KCNT2: variants seen among roughly 807,000 people sequenced by gnomAD.
KCNT2 encodes the protein potassium channel subfamily T member 2.
Under a neutral mutation model 153.8 loss-of-function variants are expected in KCNT2, and 67 were observed. That is an observed-to-expected ratio of 0.44 (90% CI 0.36 to 0.53). The LOEUF (loss-of-function observed/expected upper bound fraction) is 0.53, where lower values mean the gene tolerates loss of function less well. KCNT2 is among the 20% of genes least tolerant of loss of function. KCNT2 has a pLI of 0.00. For missense variants in KCNT2, 975 were observed against 1,354.8 expected, an observed-to-expected ratio of 0.72 and a Z score of 4.40; for synonymous variants, 500 against 458.8, an observed-to-expected ratio of 1.09 and a Z score of -1.15.
At chr1:196,333,748 T>C (rs1664717973) in intron 17 of KCNT2, 99 bp downstream of exon 17, 1 of 709,508 alleles carries the variant, frequency 1.4e-6, no homozygotes, top group African/African-American at 1.8e-5. Context: ...GAAGGAAAGA[T>C]CATTAGCTCC....
chr1:196,379,565 T>TTA (rs374585639), intron 13 of KCNT2, among the ~76,000 whole-genome samples: 1 of 136,148 alleles, frequency 7.3e-6, no homozygotes, highest in Non-Finnish European at 1.6e-5. Flanking sequence ...CAGTGAGACT[T>TTA]TCTCTCTCTC....
At chr1:196,373,318 CA>C in intron 13 of KCNT2, 70 bp from the exon 14 acceptor site, 2 of 734,106 alleles carry the variant, frequency 2.7e-6, no homozygotes, top group Non-Finnish European at 4.8e-6. Context: ...AAAAATAAAA[CA>C]AAATGAATAA....
chr1:196,502,094 G>A (rs1267583065), intron 1 of KCNT2, among the ~76,000 whole-genome samples: 1 of 152,162 alleles, frequency 6.6e-6, no homozygotes, highest in Non-Finnish European at 1.5e-5. Flanking sequence ...TACAGCCCAG[G>A]TGACAGAGCA....
At chr1:196,276,655 T>C (rs1658598434) in intron 25 of KCNT2, among the ~76,000 whole-genome samples, 1 of 152,084 alleles carries the variant, frequency 6.6e-6, no homozygotes, top group Non-Finnish European at 1.5e-5. Flanking sequence ...GTAGTTTCCT[T>C]AGACAGCAGA....
chr1:196,555,792 A>G (rs1045783286), intron 1 of KCNT2, among the ~76,000 whole-genome samples: 2 of 151,514 alleles, frequency 1.3e-5, no homozygotes, highest in African/African-American at 4.8e-5. Context: ...AGGTACTGGC[A>G]TAAAAACAGA....
At chr1:196,411,677 G>A (rs1270344391) in intron 12 of KCNT2, among the ~76,000 whole-genome samples, 1 of 151,632 alleles carries the variant, frequency 6.6e-6, no homozygotes, top group African/African-American at 2.4e-5. Context: ...TTTTCAAATG[G>A]TTCATTGTTA....
At chr1:196,517,131 A>G (rs973240607) in intron 1 of KCNT2, among the ~76,000 whole-genome samples, 2 of 151,908 alleles carry the variant, frequency 1.3e-5, no homozygotes, top group Admixed American at 1.3e-4. Context: ...GCTGGTCCAG[A>G]CCCCCAGAAC....
At chr1:196,488,444 A>G (rs1183390536) in intron 3 of KCNT2, among the ~76,000 whole-genome samples, 1 of 151,832 alleles carries the variant, frequency 6.6e-6, no homozygotes, top group African/African-American at 2.4e-5. Context: ...TCTTAGTGAT[A>G]TTACATAGAA....
Position 196,339,537 on chromosome 1 carries a change from A to G in KCNT2, c.1783+804T>C, listed in dbSNP as rs544556554. On this transcript the variant is annotated intron_variant, in intron 16 of 27. Transcript: ENST00000294725. ...CACACACACAGAGAGAGAGAGAGAGAGAGAGAGAGAGAGAGACAGAGACAC... is the reference window on the plus strand; with the variant it reads ...CACACACACAGAGAGAGAGAGAGAGGGAGAGAGAGAGAGAGACAGAGACAC... Among the ~76,000 whole-genome samples the G allele has an allele frequency of 2.0e-5, 3 of 151,772 alleles. No homozygotes were observed. The East Asian group carries it at 5.8e-4, about 29-fold the overall frequency.
At chr1:196,230,998 A>G (rs1653901268) in intron 27 of KCNT2, among the ~76,000 whole-genome samples, 1 of 151,928 alleles carries the variant, frequency 6.6e-6, no homozygotes, top group South Asian at 2.1e-4. Flanking sequence ...GAAAGAGTCA[A>G]TCAATGCAGC....
intron 18 of KCNT2, 35 bp from the exon 19 acceptor site, chr1:196,326,924 T>C (rs775234653): frequency 8.3e-7 from 1 of 1,208,464 alleles, no homozygotes; most frequent in East Asian, 2.7e-5. Context: ...AAATGCCATT[T>C]GGATACTTCA....
intron 16 of KCNT2, 26 bp downstream of exon 16, chr1:196,340,315 G>T: frequency 1.7e-6 from 2 of 1,205,364 alleles, no homozygotes; most frequent in South Asian, 3.0e-5. Context: ...ATAAATTAAT[G>T]ATATTTCAAA....
intron 3 of KCNT2, 108 bp from the exon 4 acceptor site, chr1:196,482,487 A>T: frequency 1.9e-6 from 1 of 524,088 alleles, no homozygotes; most frequent in Non-Finnish European, 3.2e-6. Context: ...ATAAAAAGAC[A>T]AAATATCAAA....
rs1364681093 is a variant in KCNT2 at position 196,246,569 on chromosome 1, T to C, written c.3212-10499A>G. On this transcript the variant is annotated intron_variant, in intron 26 of 27. Coordinates refer to ENST00000294725, the MANE Select transcript of KCNT2 (RefSeq NM_198503.5). ...ATAATAGCTACAATTTTTCCAGTTT[T>C]CAGGACATAGTATAATAAGATATAA... is the stretch of plus-strand genomic sequence containing the variant. Among the ~76,000 whole-genome samples, 6 of 152,248 alleles carry C rather than the reference T, an allele frequency of 3.9e-5. No homozygotes were observed. The South Asian group carries it at 8.3e-4, about 21-fold the overall frequency.
At chr1:196,548,824 C>T (rs574661580) in intron 1 of KCNT2, among the ~76,000 whole-genome samples, 208 of 152,208 alleles carry the variant, frequency 1.4e-3, no homozygotes, top group African/African-American at 4.9e-3. Context: ...ACTATGCAGC[C>T]ATAAAAAATG....
At chr1:196,356,739 T>A (rs182758953) in intron 14 of KCNT2, among the ~76,000 whole-genome samples, 63 of 152,006 alleles carry the variant, frequency 4.1e-4, no homozygotes, top group Non-Finnish European at 7.4e-4. Context: ...ATGTTCTGAC[T>A]CTAGTGTCTA....
chr1:196,575,033 T>C (rs1661193834), intron 1 of KCNT2, among the ~76,000 whole-genome samples: 1 of 152,098 alleles, frequency 6.6e-6, no homozygotes, highest in Non-Finnish European at 1.5e-5. Context: ...TAAGCAATTT[T>C]TTCAAAATTA....
At chr1:196,332,648 T>G (rs1441905188) in intron 17 of KCNT2, among the ~76,000 whole-genome samples, 1 of 152,146 alleles carries the variant, frequency 6.6e-6, no homozygotes, top group East Asian at 1.9e-4. Context: ...TAATAGTAAT[T>G]AATACTAATT....
chr1:196,490,007 A>G, intron 2 of KCNT2, 70 bp from the exon 3 acceptor site: 2 of 691,608 alleles, frequency 2.9e-6, no homozygotes, highest in South Asian at 4.4e-5. Context: ...AGAATTGTCA[A>G]AAATATCAAA....
Sources: gnomAD v4.1 joint callset for allele counts (sites outside exome capture counted in the v4.1 genomes callset) on GRCh38, gnomAD v4.1.1 for gene constraint, MANE v1.5 for transcripts, NCBI Gene and HGNC (gene_info 2026-07-23, HGNC 2026-07-21) for gene names.